The following FRMD4A variants were observed in gnomAD, a reference collection of about 807,000 sequenced individuals.
FRMD4A encodes the protein FERM domain-containing protein 4A.
Under a neutral mutation model 129.1 loss-of-function variants are expected in FRMD4A, and 29 were observed. The observed-to-expected ratio is 0.22, with a 90% CI of 0.17 to 0.31. The LOEUF (loss-of-function observed/expected upper bound fraction) is 0.31, where lower values mean the gene tolerates loss of function less well. FRMD4A is among the 10% of genes least tolerant of loss of function. The pLI is 1.00. For missense variants in FRMD4A, 1,272 were observed against 1,375.8 expected, an observed-to-expected ratio of 0.92 and a Z score of 1.19; for synonymous variants, 634 against 571.6, an observed-to-expected ratio of 1.11 and a Z score of -1.56.
chr10:13,840,057 C>A (rs902783446), intron 3 of FRMD4A, among the ~76,000 whole-genome samples: 4 of 152,214 alleles, frequency 2.6e-5, no homozygotes, highest in Admixed American at 1.3e-4. Context: ...TAATACCTCA[C>A]AATTGCTTAA....
chr10:13,811,571 C>CAAA lies in FRMD4A; in HGVS notation c.112-666_112-664dup, dbSNP rs11361577. 3.7e-5 allele frequency among the ~76,000 whole-genome samples: 5 copies of CAAA among 136,334 alleles called. No homozygotes were observed. The Admixed American group carries it at 3.7e-4, about 10-fold the overall frequency. The allele number at this position is 136,334 out of a possible 152,430, so 89.4% of individuals were successfully genotyped here. A position where few individuals can be genotyped will look rare whatever the true frequency, so the allele number is the denominator to read the frequency against. ...TGGGTGACAGAGTGAGACTCTGCCTCAAAAAAAAAAAAAAAGATATCTGCC... is the reference window on the plus strand; with the variant it reads ...TGGGTGACAGAGTGAGACTCTGCCTCAAAAAAAAAAAAAAAAAAGATATCTGCC... On this transcript the variant is annotated intron_variant, in intron 3 of 24. Transcript: ENST00000357447.
intron 4 of FRMD4A, among the ~76,000 whole-genome samples, chr10:13,807,983 G>T (rs2093384199): frequency 1.3e-5 from 2 of 152,024 alleles, no homozygotes; most frequent in Non-Finnish European, 1.5e-5. Flanking sequence ...ATTTTTAGTA[G>T]AGACGGGGTT....
At position 14,312,130 on chromosome 10, in the gene FRMD4A, G is replaced by A. The variant is rs577511185; in HGVS notation, c.45+17928C>T. Among the ~76,000 whole-genome samples the A allele has an allele frequency of 2.4e-3, 370 of 152,308 alleles. 2 individuals carry two copies. The highest frequency in any genetic ancestry group is 8.3e-3 in the African/African-American group (347 of 41,572). ...CAGTGAAAGTAAGAAAGAGCGGGGA[G>A]CATTCTGAGAATAGGCATGAAATTT... is the stretch of plus-strand genomic sequence containing the variant. On this transcript the variant is annotated intron_variant, in intron 2 of 24. Transcript: ENST00000357447.
chr10:13,824,321 C>CAAAAAAAAAAA (rs397721588), intron 3 of FRMD4A, among the ~76,000 whole-genome samples: 24 of 98,986 alleles, frequency 2.4e-4, no homozygotes, highest in Non-Finnish European at 3.2e-4. Flanking sequence ...ACTAAAAATA[C>CAAAAAAAAAAA]AAAAAAAAAA....
At chr10:13,786,467 G>A (rs1235803737) in intron 5 of FRMD4A, among the ~76,000 whole-genome samples, 5 of 152,120 alleles carry the variant, frequency 3.3e-5, no homozygotes, top group South Asian at 2.1e-4. Flanking sequence ...TTAGCCAGGC[G>A]TGGTGGCGGA....
intron 2 of FRMD4A, among the ~76,000 whole-genome samples, chr10:14,119,424 G>C (rs921679499): frequency 1.3e-5 from 2 of 152,342 alleles, no homozygotes; most frequent in South Asian, 4.1e-4. Flanking sequence ...GAAATGCCTT[G>C]ATGTGCAGAT....
intron 2 of FRMD4A, among the ~76,000 whole-genome samples, chr10:14,117,001 G>A (rs1248055876): frequency 1.3e-5 from 2 of 152,236 alleles, no homozygotes; most frequent in African/African-American, 2.4e-5. Context: ...CACTGATTGA[G>A]GGCCCAGGGC....
At chr10:14,298,764 G>T (rs908137094) in intron 2 of FRMD4A, among the ~76,000 whole-genome samples, 2 of 152,152 alleles carry the variant, frequency 1.3e-5, no homozygotes, top group Non-Finnish European at 2.9e-5. Flanking sequence ...GAGAACGAAG[G>T]CCTCCCAAAG....
chr10:14,327,691 T>C (rs1160596681), intron 2 of FRMD4A, among the ~76,000 whole-genome samples: 1 of 152,148 alleles, frequency 6.6e-6, no homozygotes, highest in Non-Finnish European at 1.5e-5. Flanking sequence ...CCAGATCATC[T>C]CCCCACCTAC....
chr10:13,700,370 G>C (rs576683065), intron 14 of FRMD4A, among the ~76,000 whole-genome samples: 5 of 152,032 alleles, frequency 3.3e-5, no homozygotes, highest in Non-Finnish European at 7.3e-5. Flanking sequence ...AAGAACCCTA[G>C]AGGGCACCGA....
intron 2 of FRMD4A, among the ~76,000 whole-genome samples, chr10:14,282,278 A>G (rs1307658922): frequency 2.0e-5 from 3 of 152,184 alleles, no homozygotes; most frequent in African/African-American, 7.2e-5. Context: ...ATTAGGGACC[A>G]GCAAGTGACC....
chr10:13,958,909 C>T (rs1213753600), intron 2 of FRMD4A, among the ~76,000 whole-genome samples: 2 of 152,200 alleles, frequency 1.3e-5, no homozygotes, highest in Non-Finnish European at 2.9e-5. Context: ...CAATTATAAC[C>T]AGTCTAGACA....
At chr10:14,255,609 G>A (rs762436709) in intron 2 of FRMD4A, among the ~76,000 whole-genome samples, 25 of 152,126 alleles carry the variant, frequency 1.6e-4, no homozygotes, top group Admixed American at 1.0e-3. Context: ...AAGCTATGGC[G>A]GAAGACATAA....
chr10:13,662,161 G>T (rs2082685203), intron 19 of FRMD4A, among the ~76,000 whole-genome samples: 1 of 152,154 alleles, frequency 6.6e-6, no homozygotes, highest in Admixed American at 6.5e-5. Flanking sequence ...GGGAGACTGG[G>T]ATACTCAGAG....
At position 14,026,947 on chromosome 10, in the gene FRMD4A, T is replaced by A. The variant is rs753546986; in HGVS notation, c.46-168035A>T. On this transcript the variant is annotated intron_variant, in intron 2 of 24. Transcript: ENST00000357447. ...CAACATCAAATTTTCTTTCTTTTTT[T>A]AAAAGAATTTATTTTTATTGTTTGT... Among the ~76,000 whole-genome samples, 114 of 152,346 alleles carry A rather than the reference T, an allele frequency of 7.5e-4. 2 individuals are homozygous for A. The highest frequency in any genetic ancestry group is 3.4e-3 in the Middle Eastern group (1 of 294).
At chr10:13,718,511 G>A (rs1259286598) in intron 12 of FRMD4A, among the ~76,000 whole-genome samples, 1 of 152,234 alleles carries the variant, frequency 6.6e-6, no homozygotes, top group Non-Finnish European at 1.5e-5. Context: ...TCTTGCGGGA[G>A]CAATTTGGTA....
intron 2 of FRMD4A, among the ~76,000 whole-genome samples, chr10:14,101,885 A>G (rs1790765393): frequency 6.6e-6 from 1 of 152,208 alleles, no homozygotes; most frequent in Non-Finnish European, 1.5e-5. Context: ...TCCTCTCAGG[A>G]GCATCTTGTC....
chr10:13,744,524 A>T (rs2091192034), intron 9 of FRMD4A: 3 of 152,198 alleles, frequency 2.0e-5, no homozygotes, highest in Admixed American at 1.3e-4. Context: ...AGGTTGGTGT[A>T]TGTCATCCCA....
At chr10:14,148,684 C>T (rs973679825) in intron 2 of FRMD4A, among the ~76,000 whole-genome samples, 3 of 151,934 alleles carry the variant, frequency 2.0e-5, no homozygotes, top group Non-Finnish European at 4.4e-5. Flanking sequence ...ATCCCTTGAA[C>T]CCAGGAGGTG....
Sources: gnomAD v4.1 joint callset for allele counts (sites outside exome capture counted in the v4.1 genomes callset) on GRCh38, gnomAD v4.1.1 for gene constraint, MANE v1.5 for transcripts, NCBI Gene and HGNC (gene_info 2026-07-23, HGNC 2026-07-21) for gene names.